Variants in FMN1 observed in about 807,000 individuals in gnomAD.
The protein encoded by FMN1 is formin-1.
FMN1 carries 110 observed loss-of-function variants against 132.4 expected under a neutral mutation model. The observed-to-expected ratio is 0.83, with a 90% CI of 0.71 to 0.97. FMN1 has a LOEUF of 0.97. FMN1 is among the 50% of genes least tolerant of loss of function. The pLI, the probability that FMN1 is intolerant of heterozygous loss-of-function variation, is 0.00. For synonymous variants in FMN1, 722 were observed against 651.7 expected (o/e 1.11, Z -1.64); for missense variants, 1,792 against 1,705.3 (o/e 1.05, Z -0.90).
intron 6 of FMN1, among the ~76,000 whole-genome samples, chr15:33,059,395 C>T (rs1223942152): frequency 6.6e-6 from 1 of 152,080 alleles, no homozygotes. Context: ...GTTTCAGTTC[C>T]TTTGGATATA....
intron 9 of FMN1, among the ~76,000 whole-genome samples, chr15:32,950,234 G>C (rs984898861): frequency 6.6e-6 from 1 of 150,854 alleles, no homozygotes; most frequent in African/African-American, 2.4e-5. Context: ...TTACACTGTT[G>C]GTGGGAGAGT....
At position 32,883,509 on chromosome 15, in the gene FMN1, CAAAAAAAAAAAAAA is replaced by C. The variant is rs60737133; in HGVS notation, c.3835+4649_3835+4662del. ...TGGGCAATAGAGCAAGAACCTATCTCAAAAAAAAAAAAAAAAAAAAAAAAAAAAAAAAAGAATGA... is the reference window on the plus strand; with the variant it reads ...TGGGCAATAGAGCAAGAACCTATCTCAAAAAAAAAAAAAAAAAAAGAATGA... On this transcript the variant is annotated intron_variant, in intron 16 of 20. Coordinates refer to ENST00000616417, the MANE Select transcript of FMN1 (RefSeq NM_001277313.2). 4.2e-3 allele frequency among the ~76,000 whole-genome samples: 110 copies of C among 25,932 alleles called. No individual in the cohort carries two copies. In the East Asian group the frequency reaches 0.069, roughly 16 times the overall value. The allele number at this position is 25,932 out of a possible 152,430, so 17.0% of individuals were successfully genotyped here.
intron 16 of FMN1, among the ~76,000 whole-genome samples, chr15:32,883,826 A>G (rs1056471408): frequency 2.0e-5 from 3 of 152,182 alleles, no homozygotes; most frequent in Non-Finnish European, 2.9e-5. Flanking sequence ...ACAGCATTAA[A>G]CTTTTTTTTA....
chr15:32,957,495 A>G (rs1016535835), intron 9 of FMN1, among the ~76,000 whole-genome samples: 58 of 151,754 alleles, frequency 3.8e-4, no homozygotes, highest in African/African-American at 1.3e-3. Flanking sequence ...TACAAACACG[A>G]TATGTACTAC....
intron 3 of FMN1, among the ~76,000 whole-genome samples, chr15:33,165,455 A>G (rs1965063330): frequency 1.3e-5 from 2 of 152,136 alleles, no homozygotes; most frequent in South Asian, 4.1e-4. Context: ...CAGTGGCGCG[A>G]TCTCGGCTCA....
At chr15:32,860,124 G>C (rs7180726) in intron 16 of FMN1, among the ~76,000 whole-genome samples, 1 of 141,288 alleles carries the variant, frequency 7.1e-6, no homozygotes, top group Admixed American at 7.6e-5. Flanking sequence ...AGAAGGAAGA[G>C]AGAGACAAAG....
At chr15:33,113,413 TTTC>T (rs201173324) in intron 4 of FMN1, among the ~76,000 whole-genome samples, 27,514 of 151,896 alleles carry the variant, frequency 0.18, 2,792 homozygotes, top group Middle Eastern at 0.26. Flanking sequence ...CCAGCCTTTC[TTTC>T]TTTACAAAAT....
Position 32,901,855 on chromosome 15 carries a change from C to CTCT in FMN1, c.3507+55_3507+56insAGA, listed in dbSNP as rs1385506730. 58 of 1,501,250 alleles carry CTCT rather than the reference C, an allele frequency of 3.9e-5. No individual in the cohort carries two copies. In the African/African-American group the frequency reaches 7.8e-4, roughly 20 times the overall value. 93.0% of individuals were successfully genotyped at this position (1,501,250 alleles called of 1,614,324 possible). On this transcript the variant is annotated intron_variant, in intron 13 of 20. Coordinates refer to ENST00000616417, the MANE Select transcript of FMN1 (RefSeq NM_001277313.2). ...AATGGCATTAAAGTGGTCTCTCCCACTTTCTTCTTTACTCTTCAGAGCAAG... is the reference window on the plus strand; with the variant it reads ...AATGGCATTAAAGTGGTCTCTCCCACTCTTTTCTTCTTTACTCTTCAGAGCAAG...
intron 6 of FMN1, among the ~76,000 whole-genome samples, chr15:33,039,337 G>A (rs2036322283): frequency 6.8e-6 from 1 of 147,554 alleles, no homozygotes; most frequent in Non-Finnish European, 1.5e-5. Flanking sequence ...AGCAGTCAAT[G>A]CCCTTAGAAA....
intron 19 of FMN1, among the ~76,000 whole-genome samples, chr15:32,790,773 T>G (rs141504158): frequency 2.0e-5 from 3 of 152,226 alleles, no homozygotes; most frequent in Admixed American, 6.5e-5. Flanking sequence ...AGATCTTCAA[T>G]GCTCTTTCAA....
chr15:32,930,777 A>T lies in FMN1; in HGVS notation c.3139-4516T>A, dbSNP rs2061095374. Among the ~76,000 whole-genome samples, 5 of 152,164 alleles carry T rather than the reference A, an allele frequency of 3.3e-5. No individual in the cohort carries two copies. In the South Asian group the frequency reaches 1.0e-3, roughly 32 times the overall value. On this transcript the variant is annotated intron_variant, in intron 9 of 20. Coordinates refer to ENST00000616417, the MANE Select transcript of FMN1 (RefSeq NM_001277313.2). ...ATCCAGGAAACAACTGCCAAAATCAATTTTAGAGGACTTTTCCCTATTTTT... is the reference window on the plus strand; with the variant it reads ...ATCCAGGAAACAACTGCCAAAATCATTTTTAGAGGACTTTTCCCTATTTTT...
At chr15:33,123,873 C>T (rs1288981826) in intron 4 of FMN1, among the ~76,000 whole-genome samples, 1 of 152,200 alleles carries the variant, frequency 6.6e-6, no homozygotes, top group East Asian at 1.9e-4. Flanking sequence ...GGATTACAGG[C>T]ATGGAGCTCA....
chr15:32,801,282 C>T (rs775611048), intron 18 of FMN1, among the ~76,000 whole-genome samples: 5 of 152,096 alleles, frequency 3.3e-5, no homozygotes, highest in Non-Finnish European at 7.4e-5. Context: ...TGAGGTACTG[C>T]TTGCTTACTC....
chr15:33,126,943 T>G (rs1963139681), intron 4 of FMN1, among the ~76,000 whole-genome samples: 1 of 152,218 alleles, frequency 6.6e-6, no homozygotes, highest in Admixed American at 6.5e-5. Context: ...AGGTGACTCC[T>G]GACAAAGAAC....
Position 32,774,243 on chromosome 15 carries a change from G to T in FMN1, c.*67C>A. ...TCTTTCAAGAACGTCCTGCAACCCT[G>T]TGGTCACAAAGAGTATGCGTGCAAG... On this transcript the variant is annotated 3_prime_UTR_variant, in exon 21 of 21. Transcript: ENST00000616417. 1 of 1,220,742 alleles carries T rather than the reference G, an allele frequency of 8.2e-7. No individual in the cohort carries two copies. The highest frequency in any genetic ancestry group is 1.2e-6 in the Non-Finnish European group (1 of 844,166). 75.6% of individuals were successfully genotyped at this position (1,220,742 alleles called of 1,614,324 possible). A position where few individuals can be genotyped will look rare whatever the true frequency, so the allele number is the denominator to read the frequency against.
chr15:33,103,117 T>C (rs1286486198), intron 4 of FMN1, among the ~76,000 whole-genome samples: 1 of 152,156 alleles, frequency 6.6e-6, no homozygotes, highest in Non-Finnish European at 1.5e-5. Context: ...ATACAATAAT[T>C]GTTGAATATA....
intron 6 of FMN1, among the ~76,000 whole-genome samples, chr15:33,017,536 T>A (rs1471606637): frequency 3.3e-5 from 5 of 152,112 alleles, no homozygotes; most frequent in African/African-American, 1.2e-4. Flanking sequence ...TGTTGTTCAA[T>A]AACTTACAGA....
chr15:33,149,350 C>G (rs1218114322), intron 4 of FMN1, among the ~76,000 whole-genome samples: 1 of 152,150 alleles, frequency 6.6e-6, no homozygotes, highest in African/African-American at 2.4e-5. Flanking sequence ...AGATACAAAT[C>G]TAGATCAGTA....
intron 6 of FMN1, among the ~76,000 whole-genome samples, chr15:33,018,147 T>C (rs1390581608): frequency 1.3e-5 from 2 of 151,554 alleles, no homozygotes; most frequent in East Asian, 1.9e-4. Context: ...CTTTGGGAGG[T>C]GATCAGGTCA....
Sources: allele counts gnomAD v4.1 joint callset (sites outside exome capture counted in the v4.1 genomes callset), GRCh38; gene constraint gnomAD v4.1.1; transcripts MANE v1.5; gene names NCBI Gene and HGNC (gene_info 2026-07-23, HGNC 2026-07-21).